CFHR5: variants seen among roughly 807,000 people sequenced by gnomAD.
CFHR5 encodes the protein complement factor H related 5.
In CFHR5, 73 loss-of-function variants were observed where a neutral mutation model predicts 62.9. That is an observed-to-expected ratio of 1.16 (90% confidence interval 0.96 to 1.41). The LOEUF (loss-of-function observed/expected upper bound fraction) is 1.41. Among genes scored for constraint, CFHR5 ranks in the 40% most tolerant of loss-of-function variants. CFHR5 has a pLI of 0.00. For missense variants in CFHR5, 779 were observed against 679.9 expected (o/e 1.15, Z -1.62); for synonymous variants, 249 against 227.2 (o/e 1.10, Z -0.86).
Position 197,004,797 on chromosome 1 carries a change from T to C in CFHR5, c.1467T>C (p.Thr489=), listed in dbSNP as rs1654242528. 1 of 1,613,766 alleles carries C rather than the reference T, an allele frequency of 6.2e-7. No homozygotes were observed. Among genetic ancestry groups the C allele is most frequent in the African/African-American group, 1.3e-5 (1 of 74,868 alleles). The change falls in exon 9 of 10, where the codon ACT becomes ACC. Residue 489 remains threonine, a synonymous_variant. Transcript: ENST00000256785. ...QSFYKLQGSV[T]VTCRNKQWSE... The stretch of plus-strand genomic sequence containing the variant: ...TCTATAAACTCCAGGGCTCTGTAAC[T>C]GTAACATGCAGAAATAAACAGTGGT...
chr1:197,000,866 A>G (rs1350289567), intron 7 of CFHR5, among the ~76,000 whole-genome samples: 1 of 152,002 alleles, frequency 6.6e-6, no homozygotes, highest in African/African-American at 2.4e-5. Flanking sequence ...AAGAGGTAAT[A>G]AGACATTAAG....
At chr1:196,987,195 T>C (rs1217786100) in intron 3 of CFHR5, among the ~76,000 whole-genome samples, 3 of 152,168 alleles carry the variant, frequency 2.0e-5, no homozygotes, top group African/African-American at 4.8e-5. Flanking sequence ...TCATATCCTT[T>C]GCCCACTTTT....
intron 7 of CFHR5, among the ~76,000 whole-genome samples, chr1:197,002,022 A>G (rs546927489): frequency 1.2e-3 from 176 of 152,300 alleles, no homozygotes; most frequent in Non-Finnish European, 1.8e-3. Context: ...TTACAAGAAA[A>G]TGCAAGTCAT....
In CFHR5 at chr1:196,995,219, T is replaced by C. The variant is rs569134654; in HGVS notation, c.608-498T>C. Among the ~76,000 whole-genome samples the C allele has an allele frequency of 7.9e-5, 12 of 152,268 alleles. No individual in the cohort carries two copies. In the East Asian group the frequency reaches 2.1e-3, roughly 27 times the overall value. ...GTACAACTTAATATCCTGATTATAA[T>C]AAACAGCCTACAAAATATTGGGAAA... On this transcript the variant is annotated intron_variant, in intron 4 of 9. Coordinates refer to ENST00000256785, the MANE Select transcript of CFHR5 (RefSeq NM_030787.4).
chr1:196,991,191 C>T (rs555888761), intron 3 of CFHR5, among the ~76,000 whole-genome samples: 34 of 152,200 alleles, frequency 2.2e-4, no homozygotes, highest in African/African-American at 6.7e-4. Context: ...ACGTAGTTCT[C>T]GTGCCATGGT....
chr1:197,004,950 T>G (rs1654249854), intron 9 of CFHR5, 107 bp downstream of exon 9: 1 of 901,610 alleles, frequency 1.1e-6, no homozygotes, highest in Non-Finnish European at 1.7e-6. Flanking sequence ...TCAGTCAAAA[T>G]CTTTCCTGTC....
At chr1:196,995,465 G>A (rs796094962) in intron 4 of CFHR5, among the ~76,000 whole-genome samples, 2 of 152,120 alleles carry the variant, frequency 1.3e-5, no homozygotes, top group African/African-American at 2.4e-5. Flanking sequence ...TTATATCTAG[G>A]TAATCAGTTT....
chr1:196,978,939 G>C (rs1653466472), intron 1 of CFHR5, among the ~76,000 whole-genome samples: 1 of 152,164 alleles, frequency 6.6e-6, no homozygotes, highest in Non-Finnish European at 1.5e-5. Context: ...ATAAACTTTA[G>C]TGAAATTCTA....
chr1:197,001,632 A>G (rs2125038361), intron 7 of CFHR5, among the ~76,000 whole-genome samples: 1 of 151,990 alleles, frequency 6.6e-6, no homozygotes, highest in South Asian at 2.1e-4. Context: ...TACATGTGTC[A>G]TGTTGGTGTG....
At chr1:196,976,575 T>C (rs1413269663), upstream of CFHR5, among the ~76,000 whole-genome samples, 1 of 152,102 alleles carries the variant, frequency 6.6e-6, no homozygotes, top group Non-Finnish European at 1.5e-5. Flanking sequence ...ATGGAGACTT[T>C]CTGGAAAAAA....
intron 3 of CFHR5, among the ~76,000 whole-genome samples, chr1:196,989,398 T>C (rs1337334321): frequency 1.3e-5 from 2 of 152,214 alleles, no homozygotes; most frequent in Non-Finnish European, 2.9e-5. Context: ...TAGTTATTTC[T>C]TGCCTTCTGC....
intron 9 of CFHR5, among the ~76,000 whole-genome samples, chr1:197,007,052 G>A (rs553051874): frequency 2.5e-3 from 373 of 151,740 alleles, no homozygotes; most frequent in African/African-American, 8.7e-3. Context: ...GGCCAGGCTG[G>A]TCTTGAACTC....
chr1:196,998,722 T>A (rs61820785), intron 7 of CFHR5, among the ~76,000 whole-genome samples: 17 of 152,000 alleles, frequency 1.1e-4, no homozygotes, highest in Non-Finnish European at 2.2e-4. Context: ...TATATTTGAG[T>A]AATCAATTAT....
chr1:197,005,211 A>G (rs1313230591), intron 9 of CFHR5, among the ~76,000 whole-genome samples: 1 of 152,138 alleles, frequency 6.6e-6, no homozygotes, highest in Non-Finnish European at 1.5e-5. Flanking sequence ...ACTGTCATTT[A>G]ATACTATATA....
rs531991959 is a variant in CFHR5, at chr1:196,992,010, G to A, written c.431-2070G>A. On this transcript the variant is annotated intron_variant, in intron 3 of 9. Coordinates refer to ENST00000256785, the MANE Select transcript of CFHR5 (RefSeq NM_030787.4). Reference sequence around the variant, plus strand: ...GCCCCCAGAGGTGGAGTTTACAGAAGCAGCAGGCCTTGCTGAGCTGCAGTG... The same window carrying A: ...GCCCCCAGAGGTGGAGTTTACAGAAACAGCAGGCCTTGCTGAGCTGCAGTG... 1.5e-4 allele frequency among the ~76,000 whole-genome samples: 23 copies of A among 152,346 alleles called. 1 individual carries two copies. In the South Asian group the frequency reaches 4.8e-3, roughly 32 times the overall value.
At chr1:196,975,512 C>T (rs1653376632), upstream of CFHR5, among the ~76,000 whole-genome samples, 1 of 152,044 alleles carries the variant, frequency 6.6e-6, no homozygotes, top group Non-Finnish European at 1.5e-5. Context: ...CTGGTAGAGA[C>T]CATAACAAGA....
intron 3 of CFHR5, among the ~76,000 whole-genome samples, chr1:196,992,410 G>A (rs777897754): frequency 1.3e-5 from 2 of 151,960 alleles, no homozygotes; most frequent in African/African-American, 2.4e-5. Flanking sequence ...TGAGTGTCCC[G>A]ATTTTCCAGG....
chr1:196,984,863 C>T (rs1042462346), intron 3 of CFHR5, among the ~76,000 whole-genome samples: 6 of 152,166 alleles, frequency 3.9e-5, no homozygotes, highest in Non-Finnish European at 2.9e-5. Flanking sequence ...CAAGACTGAC[C>T]TTACTAGTCT....
intron 7 of CFHR5, among the ~76,000 whole-genome samples, chr1:197,001,819 T>G (rs1428431054): frequency 6.6e-6 from 1 of 150,556 alleles, no homozygotes; most frequent in Non-Finnish European, 1.5e-5. Flanking sequence ...TAGCCACCAC[T>G]CTGGAAAAAC....
Sources: allele counts gnomAD v4.1 joint callset (sites outside exome capture counted in the v4.1 genomes callset), GRCh38; gene constraint gnomAD v4.1.1; transcripts MANE v1.5; gene names NCBI Gene and HGNC (gene_info 2026-07-23, HGNC 2026-07-21).